The following PIN4 variants were observed in gnomAD, a reference collection of about 807,000 sequenced individuals.
The protein encoded by PIN4 is peptidyl-prolyl cis-trans isomerase NIMA-interacting 4.
In PIN4, 3 loss-of-function variants were observed where a neutral mutation model predicts 8.3. That is an observed-to-expected ratio of 0.36 (90% CI 0.16 to 0.93). The LOEUF (loss-of-function observed/expected upper bound fraction) is 0.93. Ranked by LOEUF, PIN4 falls within the 40% of genes least tolerant of loss-of-function variation. The probability of loss-of-function intolerance (pLI) is 0.44; values close to 1 mark genes in which losing one functional copy is unlikely to be tolerated. For missense variants in PIN4, 75 were observed against 100.6 expected (o/e 0.75, Z 1.09); for synonymous variants, 18 against 32.5 (o/e 0.55, Z 1.52).
chrX:72,196,274 G>C (rs1352596683), intron 2 of PIN4, among the ~76,000 whole-genome samples: 1 of 110,824 alleles, frequency 9.0e-6, no homozygotes, highest in Non-Finnish European at 1.9e-5. Context: ...GGCGGCTCAC[G>C]CCTGTAATCC....
rs769073969 is a variant in PIN4, at chrX:72,205,471, AG to A, written c.312+8568del. ...CACGTGGTCTAAAACCATATTAATA[AG>A]AGACCTCCTAGAAGCCAGAGATCTT... On this transcript the variant is annotated intron_variant, in intron 3 of 3. Coordinates refer to the PIN4 transcript ENST00000423432. 4 of 1,211,697 alleles carry A rather than the reference AG, an allele frequency of 3.3e-6. No homozygotes were observed. The Admixed American group carries it at 8.7e-5, about 26-fold the overall frequency.
rs535866411 is a variant in PIN4, at chrX:72,243,677, G to A, written c.313-19030G>A. 1.7e-4 allele frequency among the ~76,000 whole-genome samples: 19 copies of A among 112,067 alleles called. 1 individual carries two copies. In the South Asian group the frequency reaches 6.4e-3, roughly 38 times the overall value. ...ACTGAGTCATCCGCACTCACAGGCC[G>A]GAAATATGATAATGAGGCTTTGTGG... On this transcript the variant is annotated intron_variant, in intron 3 of 3. Coordinates refer to the PIN4 transcript ENST00000423432.
chrX:72,217,978 A>G (rs1254572862), intron 3 of PIN4, among the ~76,000 whole-genome samples: 1 of 111,933 alleles, frequency 8.9e-6, no homozygotes, highest in African/African-American at 3.2e-5. Context: ...TCTTTAAATA[A>G]TAGAGATGGG....
chrX:72,209,563 G>A (rs1427627644), intron 3 of PIN4, among the ~76,000 whole-genome samples: 1 of 111,484 alleles, frequency 9.0e-6, no homozygotes, highest in Non-Finnish European at 1.9e-5. Flanking sequence ...CCCCAGGCCA[G>A]GCAGTCCCAA....
At chrX:72,204,963 A>T in intron 3 of PIN4, 1 of 1,009,953 alleles carries the variant, frequency 9.9e-7, no homozygotes, top group Non-Finnish European at 1.3e-6. Context: ...TGGGAACAAA[A>T]ATTCCCTCAT....
At chrX:72,214,672 C>CAAAAAA (rs58451189) in intron 3 of PIN4, among the ~76,000 whole-genome samples, 4 of 41,977 alleles carry the variant, frequency 9.5e-5, no homozygotes, top group African/African-American at 2.6e-4. Flanking sequence ...GACTCCATCT[C>CAAAAAA]AAAAAAAAAA....
At chrX:72,206,052 A>G in intron 3 of PIN4, 1 of 1,211,286 alleles carries the variant, frequency 8.3e-7, no homozygotes, top group Non-Finnish European at 1.1e-6. Flanking sequence ...CTGCATTTTG[A>G]CTTTCATTTG....
chrX:72,241,373 A>G (rs1472107471), intron 3 of PIN4, among the ~76,000 whole-genome samples: 1 of 111,578 alleles, frequency 9.0e-6, no homozygotes, highest in Non-Finnish European at 1.9e-5. Context: ...CTACCATGTA[A>G]GGACACACTA....
At chrX:72,195,359 T>C (rs2042758997) in intron 2 of PIN4, among the ~76,000 whole-genome samples, 1 of 111,970 alleles carries the variant, frequency 8.9e-6, no homozygotes, top group South Asian at 3.7e-4. Context: ...AAATACTTCC[T>C]GGCCAGGCAC....
At chrX:72,216,116 ATTGAT>A (rs781119681) in intron 3 of PIN4, among the ~76,000 whole-genome samples, 2 of 110,652 alleles carry the variant, frequency 1.8e-5, no homozygotes, top group South Asian at 3.9e-4. Flanking sequence ...TGCAGATGTT[ATTGAT>A]TTAAGATGAG....
chrX:72,214,447 T>C (rs1249436835), intron 3 of PIN4, among the ~76,000 whole-genome samples: 1 of 105,461 alleles, frequency 9.5e-6, no homozygotes, highest in Non-Finnish European at 2.0e-5. Context: ...GCCGAGGCGG[T>C]TGGATCACCT....
chrX:72,200,342 C>T (rs1055332818), downstream of PIN4, among the ~76,000 whole-genome samples: 1 of 111,596 alleles, frequency 9.0e-6, no homozygotes, highest in African/African-American at 3.2e-5. Context: ...GATACAAGTT[C>T]CCTCTTTTTA....
intron 3 of PIN4, chrX:72,206,315 A>C: frequency 1.7e-6 from 2 of 1,208,429 alleles, no homozygotes; most frequent in East Asian, 3.0e-5. Context: ...ACACTTCCAA[A>C]CCCCTTTGGT....
intron 3 of PIN4, among the ~76,000 whole-genome samples, chrX:72,222,607 T>C (rs1363976152): frequency 9.3e-6 from 1 of 107,277 alleles, no homozygotes; most frequent in Non-Finnish European, 1.9e-5. Context: ...TTTTTTTTTT[T>C]TTTTTTTTTA....
chrX:72,216,082 A>G, intron 3 of PIN4, among the ~76,000 whole-genome samples: 1 of 110,773 alleles, frequency 9.0e-6, no homozygotes, highest in East Asian at 2.8e-4. Flanking sequence ...GTCAACCTGG[A>G]GCCCGTGAAT....
intron 2 of PIN4, among the ~76,000 whole-genome samples, chrX:72,192,990 T>G (rs2042743859): frequency 9.0e-6 from 1 of 111,265 alleles, no homozygotes; most frequent in Admixed American, 9.6e-5. Context: ...TCTTCTCATT[T>G]TCATCTCCTT....
intron 3 of PIN4, among the ~76,000 whole-genome samples, chrX:72,218,495 C>CTTT (rs200615272): frequency 1.0e-5 from 1 of 97,166 alleles, no homozygotes; most frequent in Non-Finnish European, 2.1e-5. Flanking sequence ...ATTTCTTTCT[C>CTTT]TTTTTTTTTT....
chrX:72,190,300 A>G (rs1226549560), intron 2 of PIN4, among the ~76,000 whole-genome samples: 1 of 112,062 alleles, frequency 8.9e-6, no homozygotes, highest in African/African-American at 3.3e-5. Flanking sequence ...AATTAGATCT[A>G]TAGTTAGAAG....
At chrX:72,230,217 G>T (rs748644535) in intron 3 of PIN4, among the ~76,000 whole-genome samples, 1 of 110,420 alleles carries the variant, frequency 9.1e-6, no homozygotes, top group East Asian at 2.8e-4. Context: ...GATTGATCAG[G>T]CTATTTGAAG....
Sources: allele counts gnomAD v4.1 joint callset (sites outside exome capture counted in the v4.1 genomes callset), GRCh38; gene constraint gnomAD v4.1.1; transcripts MANE v1.5; gene names NCBI Gene and HGNC (gene_info 2026-07-23, HGNC 2026-07-21).